The following PRICKLE1 variants were observed in gnomAD, a reference collection of about 807,000 sequenced individuals.
PRICKLE1 encodes the protein prickle planar cell polarity protein 1.
A neutral mutation model predicts 70.2 loss-of-function variants in PRICKLE1; 14 were observed. That is an observed-to-expected ratio of 0.20 (90% CI 0.13 to 0.31). The LOEUF (loss-of-function observed/expected upper bound fraction) is 0.31. PRICKLE1 is among the 10% of genes least tolerant of loss of function. PRICKLE1 has a pLI of 1.00. For missense variants in PRICKLE1, 821 were observed against 1,026.2 expected, an observed-to-expected ratio of 0.80 and a Z score of 2.73; for synonymous variants, 357 against 379.9, an observed-to-expected ratio of 0.94 and a Z score of 0.70.
intron 1 of PRICKLE1, among the ~76,000 whole-genome samples, chr12:42,549,245 C>T (rs1431651708): frequency 6.6e-6 from 1 of 151,994 alleles, no homozygotes; most frequent in East Asian, 1.9e-4. Context: ...CCTCATTTCC[C>T]AGATGTGTAT....
chr12:42,566,717 C>A (rs1195600929), intron 1 of PRICKLE1, among the ~76,000 whole-genome samples: 7 of 152,132 alleles, frequency 4.6e-5, no homozygotes. Flanking sequence ...ACCCTCCTTC[C>A]ATTCATCAAA....
At chr12:42,471,303 C>T (rs1219890082) in intron 2 of PRICKLE1, among the ~76,000 whole-genome samples, 1 of 41,378 alleles carries the variant, frequency 2.4e-5, no homozygotes, top group South Asian at 6.0e-4. Flanking sequence ...AAGGAACATC[C>T]CTTAATGAGT....
At position 42,533,158 on chromosome 12, in the gene PRICKLE1, A is replaced by G. The variant is rs201040298; in HGVS notation, c.-49+56307T>C. On this transcript the variant is annotated intron_variant, in intron 1 of 7. Transcript: ENST00000345127. ...CATGAATAAGAGAAAAAAACCTAGA[A>G]GGGTATATACCAAAATGTTTACCAT... 5.3e-4 allele frequency among the ~76,000 whole-genome samples: 81 copies of G among 152,142 alleles called. 3 individuals are homozygous for G. The East Asian group carries it at 0.015, about 28-fold the overall frequency.
chr12:42,547,799 T>G (rs576189942), intron 1 of PRICKLE1, among the ~76,000 whole-genome samples: 31 of 152,328 alleles, frequency 2.0e-4, no homozygotes, highest in Admixed American at 2.0e-3. Context: ...AAATCAAGGT[T>G]ACACATTCAT....
intron 1 of PRICKLE1, among the ~76,000 whole-genome samples, chr12:42,516,019 T>A (rs765607519): frequency 2.0e-5 from 3 of 152,210 alleles, no homozygotes; most frequent in Non-Finnish European, 4.4e-5. Flanking sequence ...GGACTGGACT[T>A]CAAATTTTCT....
At chr12:42,578,964 T>C (rs1940851874) in intron 1 of PRICKLE1, among the ~76,000 whole-genome samples, 1 of 152,158 alleles carries the variant, frequency 6.6e-6, no homozygotes, top group South Asian at 2.1e-4. Flanking sequence ...GGTTTCACTA[T>C]GTTAGCCAGG....
Position 42,464,517 on chromosome 12 carries a change from G to A in PRICKLE1, c.1517C>T (p.Ala506Val), listed in dbSNP as rs745306755. ...TGTTTCATCATGATTATACCCTGAA[G>A]CCCCATGGTCCAGTTCCAATTCCTG... ...RLQELELDHG[A>V]SGYNHDETQW... The change falls in exon 7 of 8, where the codon GCT (alanine) becomes GTT (valine). Residue 506 changes from alanine (A) to valine (V), a missense_variant. Ala to Val is a moderately conservative substitution (Grantham distance 64). Coordinates refer to ENST00000345127, the MANE Select transcript of PRICKLE1 (RefSeq NM_153026.3). This position sits in a 1 kb window ranked among gnomAD's most constrained non-coding sequence, Gnocchi z 4.2. 1 of 1,613,930 alleles carries A rather than the reference G, an allele frequency of 6.2e-7. No homozygotes were observed. Among genetic ancestry groups the A allele is most frequent in the Non-Finnish European group, 8.5e-7 (1 of 1,180,014 alleles).
intron 1 of PRICKLE1, among the ~76,000 whole-genome samples, chr12:42,542,295 AT>A (rs953654498): frequency 6.6e-5 from 10 of 151,592 alleles, no homozygotes; most frequent in African/African-American, 9.7e-5. Context: ...CTTTTATATG[AT>A]TTTTTTTCAT....
chr12:42,557,497 T>C (rs554333752), intron 1 of PRICKLE1, among the ~76,000 whole-genome samples: 1 of 152,330 alleles, frequency 6.6e-6, no homozygotes, highest in Admixed American at 6.5e-5. Flanking sequence ...CCCCAACATA[T>C]GCTTCCCTGA....
intron 1 of PRICKLE1, among the ~76,000 whole-genome samples, chr12:42,548,755 C>T (rs1437929164): frequency 6.6e-6 from 1 of 152,094 alleles, no homozygotes; most frequent in Non-Finnish European, 1.5e-5. Flanking sequence ...TCCTGTCCAT[C>T]CCTCACCTCC....
At chr12:42,585,325 A>G (rs1261804583) in intron 1 of PRICKLE1, among the ~76,000 whole-genome samples, 1 of 152,208 alleles carries the variant, frequency 6.6e-6, no homozygotes, top group Non-Finnish European at 1.5e-5. Context: ...GAAGCTGGAA[A>G]GGTCTAATCG....
intron 2 of PRICKLE1, among the ~76,000 whole-genome samples, chr12:42,470,831 G>A (rs953084039): frequency 1.3e-5 from 2 of 151,838 alleles, no homozygotes; most frequent in Non-Finnish European, 2.9e-5. Context: ...GCTTGAACCT[G>A]GGAGGCAGAG....
intron 1 of PRICKLE1, among the ~76,000 whole-genome samples, chr12:42,505,587 C>T (rs1423687666): frequency 6.6e-6 from 1 of 152,104 alleles, no homozygotes; most frequent in Non-Finnish European, 1.5e-5. Context: ...AGGCACGCAC[C>T]ACCATGTCCA....
At chr12:42,474,560 T>C (rs1436819175) in intron 1 of PRICKLE1, among the ~76,000 whole-genome samples, 3 of 152,236 alleles carry the variant, frequency 2.0e-5, no homozygotes, top group Non-Finnish European at 2.9e-5. Flanking sequence ...GTGCGACTCA[T>C]TCATGTCTTG....
chr12:42,460,528 C>G lies in PRICKLE1; in HGVS notation c.1777G>C (p.Glu593Gln). The G allele has an allele frequency of 3.1e-6, 5 of 1,614,136 alleles. No individual in the cohort carries two copies. The highest frequency in any genetic ancestry group is 4.2e-6 in the Non-Finnish European group (5 of 1,180,002). The change falls in exon 8 of 8, where the codon GAG (glutamate) becomes CAG (glutamine). Residue 593 changes from glutamate (E) to glutamine (Q), a missense_variant. Transcript: ENST00000345127. ...TCTGAACTTAGACTCTTTAAGGACT[C>G]TGCACTCCTGTGCAGCATGGAAGAG... is the stretch of plus-strand genomic sequence containing the variant. ...LNSSMLHRSA[E>Q]SLKSLSSELC...
chr12:42,567,764 T>C (rs1592035683), intron 1 of PRICKLE1, among the ~76,000 whole-genome samples: 1 of 147,048 alleles, frequency 6.8e-6, no homozygotes. Context: ...GAGGCAGAGG[T>C]TGCAGTGAGC....
In PRICKLE1 at chr12:42,472,420, A is replaced by T; in HGVS notation, c.97T>A (p.Tyr33Asn). Residue 33 changes from tyrosine (Y) to asparagine (N), a missense_variant, in exon 2 of 8, where the codon TAC becomes AAC. Tyr to Asn is a moderately radical substitution (Grantham distance 143). Coordinates refer to ENST00000345127, the MANE Select transcript of PRICKLE1 (RefSeq NM_153026.3). ...DDDSGCALEE[Y>N]AWVPPGLRPE... The stretch of plus-strand genomic sequence containing the variant: ...CTCAGGCCCGGGGGGACCCAGGCGT[A>T]CTCCTCCAATGCACAGCCAGAGTCA... The T allele has an allele frequency of 6.2e-7, 1 of 1,613,996 alleles. No homozygotes were observed. Among genetic ancestry groups the T allele is most frequent in the Admixed American group, 1.7e-5 (1 of 60,008 alleles).
At chr12:42,550,806 G>T (rs769032710) in intron 1 of PRICKLE1, among the ~76,000 whole-genome samples, 4 of 152,156 alleles carry the variant, frequency 2.6e-5, no homozygotes, top group Non-Finnish European at 5.9e-5. Flanking sequence ...ATCTATAAAG[G>T]AGGAGACATT....
intron 1 of PRICKLE1, among the ~76,000 whole-genome samples, chr12:42,559,770 C>T (rs948221310): frequency 6.6e-6 from 1 of 151,356 alleles, no homozygotes; most frequent in Non-Finnish European, 1.5e-5. Flanking sequence ...GGTCTGGTCT[C>T]TCTTAAATAC....
Sources: gnomAD v4.1 joint callset for allele counts (sites outside exome capture counted in the v4.1 genomes callset) on GRCh38, gnomAD v4.1.1 for gene constraint, Gnocchi (gnomAD v3.1) non-coding constraint, MANE v1.5 for transcripts, NCBI Gene and HGNC (gene_info 2026-07-23, HGNC 2026-07-21) for gene names.